The following SPOCK1 variants were observed in gnomAD, a reference collection of about 807,000 sequenced individuals.
SPOCK1 encodes the protein SPARC (osteonectin), cwcv and kazal like domains proteoglycan 1.
Under a neutral mutation model 55.3 loss-of-function variants are expected in SPOCK1, and 23 were observed. The observed-to-expected ratio is 0.42, with a 90% CI of 0.30 to 0.59. SPOCK1 has a LOEUF of 0.59. Among genes scored for constraint, SPOCK1 ranks in the 20% least tolerant of loss-of-function variants. The pLI is 0.22. For synonymous variants in SPOCK1, 226 were observed against 221.0 expected (o/e 1.02, Z -0.20); for missense variants, 499 against 552.5 (o/e 0.90, Z 0.97).
rs976535893 is a variant in SPOCK1 at position 137,394,787 on chromosome 5, A to G, written c.186+103586T>C. ...TTATAAAGTGTAATAGGGTTTTAAG[A>G]TAGTCTCCAGAGCAGAGTGAGTCTG... On this transcript the variant is annotated intron_variant, in intron 2 of 10. Transcript: ENST00000394945. Among the ~76,000 whole-genome samples the G allele has an allele frequency of 7.9e-5, 12 of 152,318 alleles. No individual in the cohort carries two copies. The South Asian group carries it at 1.5e-3, about 18-fold the overall frequency.
At chr5:136,986,109 A>G (rs1346021386) in intron 8 of SPOCK1, among the ~76,000 whole-genome samples, 1 of 152,124 alleles carries the variant, frequency 6.6e-6, no homozygotes, top group Non-Finnish European at 1.5e-5. Context: ...CATGAGAGAA[A>G]CTGCTTGTAA....
chr5:137,261,725 G>C (rs1756745353), intron 3 of SPOCK1, among the ~76,000 whole-genome samples: 1 of 152,222 alleles, frequency 6.6e-6, no homozygotes, highest in Non-Finnish European at 1.5e-5. Context: ...TAAAACCAAT[G>C]TCTATACACT....
chr5:137,212,976 TA>T (rs1755646168), intron 3 of SPOCK1, among the ~76,000 whole-genome samples: 1 of 152,148 alleles, frequency 6.6e-6, no homozygotes, highest in South Asian at 2.1e-4. Flanking sequence ...CAGCCAGGTC[TA>T]GGGGAGGTCA....
intron 3 of SPOCK1, among the ~76,000 whole-genome samples, chr5:137,181,638 T>C (rs1468517162): frequency 6.6e-6 from 1 of 152,208 alleles, no homozygotes; most frequent in Non-Finnish European, 1.5e-5. Context: ...GAATTAAACA[T>C]TAAACAGAGC....
chr5:136,984,861 G>GGCT (rs1246212302), intron 9 of SPOCK1, among the ~76,000 whole-genome samples: 14 of 152,316 alleles, frequency 9.2e-5, no homozygotes, highest in Admixed American at 4.6e-4. Flanking sequence ...GCCAAGATTT[G>GGCT]TTTTAGCCTA....
In SPOCK1 at chr5:137,445,513, G is replaced by A. The variant is rs114160844; in HGVS notation, c.186+52860C>T. Among the ~76,000 whole-genome samples the A allele has an allele frequency of 2.0e-3, 312 of 152,274 alleles. 1 individual carries two copies. The highest frequency in any genetic ancestry group is 7.1e-3 in the African/African-American group (296 of 41,562). ...CAATCTCACAAGAAGTAATGTACAA[G>A]GTCCCTGAAGAGTATCATACAAGTG... On this transcript the variant is annotated intron_variant, in intron 2 of 10. Transcript: ENST00000394945.
chr5:137,157,163 C>T (rs1031772997), intron 3 of SPOCK1, among the ~76,000 whole-genome samples: 1 of 152,138 alleles, frequency 6.6e-6, no homozygotes, highest in Admixed American at 6.5e-5. Flanking sequence ...GGTGTTTGCA[C>T]TACCTAGAGC....
At chr5:137,431,295 C>A (rs750613589) in intron 2 of SPOCK1, among the ~76,000 whole-genome samples, 2 of 152,228 alleles carry the variant, frequency 1.3e-5, no homozygotes, top group Non-Finnish European at 2.9e-5. Flanking sequence ...ATTAAGCACA[C>A]AGCCTTTGAA....
At chr5:137,392,627 T>C (rs1751749804) in intron 2 of SPOCK1, among the ~76,000 whole-genome samples, 1 of 152,218 alleles carries the variant, frequency 6.6e-6, no homozygotes, top group Admixed American at 6.5e-5. Context: ...TGCCTCTGTT[T>C]TCTTATCTGT....
chr5:137,204,360 G>A (rs909676957), intron 3 of SPOCK1, among the ~76,000 whole-genome samples: 1 of 152,080 alleles, frequency 6.6e-6, no homozygotes, highest in Non-Finnish European at 1.5e-5. Context: ...TCTGTGTCTG[G>A]GAGAGCGCAC....
intron 2 of SPOCK1, among the ~76,000 whole-genome samples, chr5:137,492,849 G>A (rs1426077227): frequency 6.6e-6 from 1 of 152,172 alleles, no homozygotes. Flanking sequence ...CCTTCATGGT[G>A]AGTTCATTTC....
At chr5:137,348,987 C>A (rs1278696550) in intron 2 of SPOCK1, among the ~76,000 whole-genome samples, 1 of 152,182 alleles carries the variant, frequency 6.6e-6, no homozygotes, top group Non-Finnish European at 1.5e-5. Flanking sequence ...TTACAAAGAT[C>A]ACATTGTTTG....
chr5:137,256,707 A>C (rs1464703015), intron 3 of SPOCK1, among the ~76,000 whole-genome samples: 1 of 152,096 alleles, frequency 6.6e-6, no homozygotes, highest in African/African-American at 2.4e-5. Context: ...CAACAAAGAC[A>C]ACTTCTGCTC....
intron 6 of SPOCK1, among the ~76,000 whole-genome samples, chr5:137,024,624 A>AG (rs1183655933): frequency 2.0e-5 from 3 of 151,568 alleles, no homozygotes. Context: ...AAAAAAAAAA[A>AG]GTAGAAGAAC....
intron 3 of SPOCK1, among the ~76,000 whole-genome samples, chr5:137,205,531 C>T (rs919988): frequency 1.3e-5 from 2 of 151,992 alleles, no homozygotes; most frequent in Non-Finnish European, 2.9e-5. Context: ...TTGTCTGAGT[C>T]GGGTGGCAGG....
intron 3 of SPOCK1, among the ~76,000 whole-genome samples, chr5:137,142,102 G>C (rs1754109684): frequency 6.6e-6 from 1 of 152,204 alleles, no homozygotes. Context: ...GCTCTCCACA[G>C]TCAGGGGAGG....
intron 5 of SPOCK1, among the ~76,000 whole-genome samples, chr5:137,079,006 T>C (rs1038101519): frequency 1.3e-5 from 2 of 152,344 alleles, no homozygotes; most frequent in African/African-American, 2.4e-5. Flanking sequence ...ACATGCTTAC[T>C]GTGACCCAGC....
At chr5:137,104,140 G>A (rs1300865326) in intron 5 of SPOCK1, among the ~76,000 whole-genome samples, 1 of 152,186 alleles carries the variant, frequency 6.6e-6, no homozygotes, top group Non-Finnish European at 1.5e-5. Flanking sequence ...TTGGAGGTGG[G>A]GCTGGTGGGA....
chr5:137,228,942 AG>A (rs1482249292), intron 3 of SPOCK1, among the ~76,000 whole-genome samples: 1 of 152,222 alleles, frequency 6.6e-6, no homozygotes, highest in Non-Finnish European at 1.5e-5. Flanking sequence ...TGAATTTGTT[AG>A]AACTTACCCT....
Sources: allele counts gnomAD v4.1 joint callset (sites outside exome capture counted in the v4.1 genomes callset), GRCh38; gene constraint gnomAD v4.1.1; transcripts MANE v1.5; gene names NCBI Gene and HGNC (gene_info 2026-07-23, HGNC 2026-07-21).